Variants in PLAGL1 observed in about 807,000 individuals in gnomAD.
PLAGL1 encodes the protein PLAG1 like zinc finger 1.
In PLAGL1, 1 loss-of-function variant was observed where a neutral mutation model predicts 4.6. The observed-to-expected ratio is 0.22, with a 90% CI of 0.08 to 1.03. The LOEUF (loss-of-function observed/expected upper bound fraction) is 1.03, where lower values mean the gene tolerates loss of function less well. Among genes scored for constraint, PLAGL1 ranks in the 50% least tolerant of loss-of-function variants. PLAGL1 has a pLI of 0.58. For missense variants in PLAGL1, 464 were observed against 570.4 expected (o/e 0.81, Z 1.90); for synonymous variants, 240 against 237.8 (o/e 1.01, Z -0.08).
intron 1 of PLAGL1, among the ~76,000 whole-genome samples, chr6:143,999,389 A>G (rs533915100): frequency 1.0e-3 from 159 of 152,358 alleles, no homozygotes; most frequent in African/African-American, 3.7e-3. Context: ...GACTCTCCAA[A>G]TATTCCAAAT....
At position 143,994,514 on chromosome 6, in the gene PLAGL1, C is replaced by G. The variant is rs1467465130; in HGVS notation, c.-583-9340G>C. 6.6e-6 allele frequency among the ~76,000 whole-genome samples: 1 copy of G among 152,226 alleles called. No individual in the cohort carries two copies. Among genetic ancestry groups the G allele is most frequent in the African/African-American group, 2.4e-5 (1 of 41,458 alleles). On this transcript the variant is annotated intron_variant, in intron 1 of 7. Coordinates refer to ENST00000674357, the MANE Select transcript of PLAGL1 (RefSeq NM_001317162.2). This position sits in a 1 kb window ranked among gnomAD's most constrained non-coding sequence, Gnocchi z 4.3. ...GGACAGATTTAACAAGGCAGCCCTA[C>G]TTCACAGTAGCTCTTGAAATCTCAA...
chr6:144,030,254 CAAAAAAAAAAAAA>C (rs66563676), intron 1 of PLAGL1, among the ~76,000 whole-genome samples: 5 of 44,556 alleles, frequency 1.1e-4, no homozygotes, highest in Admixed American at 4.2e-4. Flanking sequence ...GACTCCGTCT[CAAAAAAAAAAAAA>C]AAAAAAAAAA....
chr6:144,019,258 G>A (rs1231273476), intron 1 of PLAGL1, among the ~76,000 whole-genome samples: 4 of 152,092 alleles, frequency 2.6e-5, no homozygotes, highest in African/African-American at 9.7e-5. Flanking sequence ...TGGATCACGA[G>A]GTCAGGAGTT....
intron 1 of PLAGL1, among the ~76,000 whole-genome samples, chr6:144,060,013 A>G (rs994269439): frequency 6.6e-6 from 1 of 152,060 alleles, no homozygotes; most frequent in Non-Finnish European, 1.5e-5. Flanking sequence ...AAATTTTATG[A>G]GAACCCTCTG....
chr6:143,986,583 A>G (rs922775156), intron 1 of PLAGL1, among the ~76,000 whole-genome samples: 2 of 152,216 alleles, frequency 1.3e-5, no homozygotes, highest in African/African-American at 2.4e-5. Context: ...TAGGCTCTTC[A>G]GCCAATAGAG....
At chr6:144,040,821 G>A (rs1163962541) in intron 1 of PLAGL1, among the ~76,000 whole-genome samples, 1 of 152,188 alleles carries the variant, frequency 6.6e-6, no homozygotes, top group African/African-American at 2.4e-5. Context: ...TGCATGCAGT[G>A]AGCTGAGATC....
Position 143,985,982 on chromosome 6 carries a change from TTATATATATA to T in PLAGL1, c.-583-818_-583-809del, listed in dbSNP as rs55768066. Among the ~76,000 whole-genome samples the T allele has an allele frequency of 0.38, 42,365 of 111,540 alleles. 9,208 individuals carry two copies. The highest frequency in any genetic ancestry group is 0.5 in the Non-Finnish European group (27,808 of 55,322). 73.2% of individuals were successfully genotyped at this position (111,540 alleles called of 152,430 possible). ...TATATCAAATTATATATATATAAAA[TTATATATATA>T]TATATATATATATATATATCATTTA... On this transcript the variant is annotated intron_variant, in intron 1 of 7. Transcript: ENST00000674357. The surrounding 1 kb of genome is among the most constrained non-coding windows in gnomAD (Gnocchi z 4.4).
intron 1 of PLAGL1, among the ~76,000 whole-genome samples, chr6:143,988,580 G>T (rs1291126460): frequency 6.6e-6 from 1 of 152,186 alleles, no homozygotes; most frequent in African/African-American, 2.4e-5. Context: ...GAAAGCATTT[G>T]AAAATTCTAA....
At chr6:143,996,421 T>A (rs1479581701) in intron 1 of PLAGL1, among the ~76,000 whole-genome samples, 1 of 152,192 alleles carries the variant, frequency 6.6e-6, no homozygotes, top group African/African-American at 2.4e-5. Flanking sequence ...TTCTCTGATA[T>A]CCATTCTTCC....
At chr6:143,944,187 G>GAGAT (rs1316666662) in intron 7 of PLAGL1, among the ~76,000 whole-genome samples, 1 of 152,130 alleles carries the variant, frequency 6.6e-6, no homozygotes, top group Non-Finnish European at 1.5e-5. Context: ...TTCCGTAAAA[G>GAGAT]AGATAGGATC....
At chr6:143,977,053 C>G (rs1445896403) in intron 2 of PLAGL1, among the ~76,000 whole-genome samples, 1 of 151,828 alleles carries the variant, frequency 6.6e-6, no homozygotes, top group African/African-American at 2.4e-5. Context: ...CAAAATTGAG[C>G]CTGTTACAGC....
At chr6:144,013,224 A>G (rs1334788471), upstream of PLAGL1, among the ~76,000 whole-genome samples, 2 of 152,194 alleles carry the variant, frequency 1.3e-5, no homozygotes, top group African/African-American at 4.8e-5. The surrounding 1 kb of genome is among the most constrained non-coding windows in gnomAD (Gnocchi z 4.4). Flanking sequence ...TGACACATCT[A>G]TAGGTTGATA....
rs956452063 is a variant in PLAGL1, at chr6:144,005,923, G to A, written c.-584+2167C>T. Reference sequence around the variant, plus strand: ...AAACGCTGAAAGTCTGTAAAGTTCTGTGATTTTTATATACTTTTTAGTATT... The same window carrying A: ...AAACGCTGAAAGTCTGTAAAGTTCTATGATTTTTATATACTTTTTAGTATT... On this transcript the variant is annotated intron_variant, in intron 1 of 7. Transcript: ENST00000674357. This position sits in a 1 kb window ranked among gnomAD's most constrained non-coding sequence, Gnocchi z 4.6. 2.0e-5 allele frequency: 3 copies of A among 151,994 alleles called. No individual in the cohort carries two copies. Among genetic ancestry groups the A allele is most frequent in the Non-Finnish European group, 4.4e-5 (3 of 67,978 alleles). The allele number at this position is 151,994 out of a possible 1,614,324, so 9.4% of individuals were successfully genotyped here.
Position 143,982,806 on chromosome 6 carries a change from A to G in PLAGL1, c.-544+2329T>C, listed in dbSNP as rs1788250613. Among the ~76,000 whole-genome samples, 1 of 152,104 alleles carries G rather than the reference A, an allele frequency of 6.6e-6. No homozygotes were observed. Among genetic ancestry groups the G allele is most frequent in the Admixed American group, 6.6e-5 (1 of 15,252 alleles). On this transcript the variant is annotated intron_variant, in intron 2 of 7. Transcript: ENST00000674357. This position sits in a 1 kb window ranked among gnomAD's most constrained non-coding sequence, Gnocchi z 5.3. ...AGAAGAGTCTTCCTCATCTCGGTAA[A>G]TGGCTACTTAGGATGAAGGAAGTTT...
At chr6:144,030,349 A>AT (rs1291860048) in intron 1 of PLAGL1, among the ~76,000 whole-genome samples, 4 of 151,272 alleles carry the variant, frequency 2.6e-5, no homozygotes, top group Non-Finnish European at 4.4e-5. Context: ...GCTTTTTAAA[A>AT]TTTTTTTATT....
chr6:144,039,332 C>G lies in PLAGL1; in HGVS notation c.-151+25136G>C, dbSNP rs564872153. ...AGATGCAGTGGCTCACACCTGTAATCTCAACACTTTGGGAGGCAGAAGTGG... is the reference window on the plus strand; with the variant it reads ...AGATGCAGTGGCTCACACCTGTAATGTCAACACTTTGGGAGGCAGAAGTGG... On this transcript the variant is annotated intron_variant, in intron 1 of 3. Coordinates refer to the PLAGL1 transcript ENST00000437412. The surrounding 1 kb of genome is among the most constrained non-coding windows in gnomAD (Gnocchi z 4.1). Among the ~76,000 whole-genome samples, 251 of 152,284 alleles carry G rather than the reference C, an allele frequency of 1.6e-3. 1 individual carries two copies. The highest frequency in any genetic ancestry group is 5.7e-3 in the African/African-American group (236 of 41,562).
chr6:144,040,757 C>T (rs895962449), intron 1 of PLAGL1, among the ~76,000 whole-genome samples: 1 of 152,088 alleles, frequency 6.6e-6, no homozygotes, highest in Non-Finnish European at 1.5e-5. Flanking sequence ...CCTGTAATCC[C>T]AGCTACTTGG....
chr6:143,951,123 T>TC (rs139413244), intron 6 of PLAGL1, among the ~76,000 whole-genome samples: 1 of 68,392 alleles, frequency 1.5e-5, no homozygotes, highest in Non-Finnish European at 2.3e-5. Flanking sequence ...GTTATCTGTG[T>TC]CGAGTTTCAG....
chr6:143,941,493 G>T lies in PLAGL1; in HGVS notation c.1323C>A (p.Pro441=), dbSNP rs778890400. Residue 441 remains proline, a synonymous_variant, in exon 8 of 8, where the codon CCC becomes CCA. Transcript: ENST00000674357. The surrounding 1 kb of genome is among the most constrained non-coding windows in gnomAD (Gnocchi z 6.0). The part of the protein sequence containing the change: ...TVSLGQLPLP[P]IPHVFSAGTG... ...TGCCAGCTGAGAACACATGAGGGAT[G>T]GGGGGCAGGGGGAGCTGGCCCAGGC... The T allele has an allele frequency of 6.6e-7, 1 of 1,524,978 alleles. No homozygotes were observed. Among genetic ancestry groups the T allele is most frequent in the Non-Finnish European group, 8.8e-7 (1 of 1,137,630 alleles). 94.5% of individuals were successfully genotyped at this position (1,524,978 alleles called of 1,614,324 possible).
Sources: gnomAD v4.1 joint callset for allele counts (sites outside exome capture counted in the v4.1 genomes callset) on GRCh38, gnomAD v4.1.1 for gene constraint, Gnocchi (gnomAD v3.1) non-coding constraint, MANE v1.5 for transcripts, NCBI Gene and HGNC (gene_info 2026-07-23, HGNC 2026-07-21) for gene names.